ANK3: variants seen among roughly 807,000 people sequenced by gnomAD.
ANK3 encodes ankyrin 3, also known as ankyrin-3.
ANK3 carries 57 observed loss-of-function variants against 370.9 expected under a neutral mutation model. The observed-to-expected ratio is 0.15, with a 90% CI of 0.12 to 0.19. The LOEUF is 0.19. Ranked by LOEUF, ANK3 falls within the 10% of genes least tolerant of loss-of-function variation. The probability of loss-of-function intolerance (pLI) is 1.00; values close to 1 mark genes in which losing one functional copy is unlikely to be tolerated. For missense variants in ANK3, 4,439 were observed against 5,302.1 expected (o/e 0.84, Z 5.06); for synonymous variants, 1,929 against 1,946.3 (o/e 0.99, Z 0.23).
At chr10:60,196,484 A>T in intron 15 of ANK3, 43 bp downstream of exon 15, 1 of 1,321,542 alleles carries the variant, frequency 7.6e-7, no homozygotes, top group Non-Finnish European at 1.1e-6. Flanking sequence ...GTATTTTGTT[A>T]TCGTGGAAGT....
chr10:60,216,396 T>C (rs1425740153), intron 8 of ANK3, among the ~76,000 whole-genome samples: 1 of 152,204 alleles, frequency 6.6e-6, no homozygotes, highest in Admixed American at 6.5e-5. Context: ...ATATTAGTTG[T>C]GGGTTTGTCA....
At chr10:60,195,276 C>T (rs908057325) in intron 16 of ANK3, among the ~76,000 whole-genome samples, 21 of 150,794 alleles carry the variant, frequency 1.4e-4, no homozygotes, top group Admixed American at 2.7e-4. Flanking sequence ...CCCAGCTACT[C>T]GGGAGGCTGA....
intron 1 of ANK3, among the ~76,000 whole-genome samples, chr10:60,616,321 C>T (rs928529884): frequency 6.6e-6 from 1 of 152,126 alleles, no homozygotes; most frequent in Non-Finnish European, 1.5e-5. Context: ...AAGCAATGCA[C>T]ATTCATTACA....
At chr10:60,580,475 C>A (rs1236976896) in intron 2 of ANK3, among the ~76,000 whole-genome samples, 1 of 152,090 alleles carries the variant, frequency 6.6e-6, no homozygotes, top group Non-Finnish European at 1.5e-5. Flanking sequence ...CTAACCACCT[C>A]TATAAAAGAA....
At chr10:60,030,438 G>C (rs1013881492) in intron 43 of ANK3, among the ~76,000 whole-genome samples, 1 of 152,108 alleles carries the variant, frequency 6.6e-6, no homozygotes, top group Non-Finnish European at 1.5e-5. Flanking sequence ...CACCACGCCC[G>C]GCCCTCAACT....
chr10:60,163,229 T>C (rs775179381), intron 23 of ANK3, among the ~76,000 whole-genome samples: 1 of 152,130 alleles, frequency 6.6e-6, no homozygotes, highest in Non-Finnish European at 1.5e-5. Flanking sequence ...AGATACTAGT[T>C]TTGTACGTAT....
intron 27 of ANK3, among the ~76,000 whole-genome samples, chr10:60,106,786 A>G (rs1282586967): frequency 6.6e-6 from 1 of 152,178 alleles, no homozygotes; most frequent in Non-Finnish European, 1.5e-5. Context: ...AACATAGCCA[A>G]TCAAGCCACG....
At chr10:60,133,968 T>C (rs1286663350) in intron 25 of ANK3, among the ~76,000 whole-genome samples, 1 of 152,074 alleles carries the variant, frequency 6.6e-6, no homozygotes, top group Non-Finnish European at 1.5e-5. Flanking sequence ...CAGCTACCAA[T>C]GATTATTAAC....
At chr10:60,601,307 G>T (rs1340664001) in intron 2 of ANK3, among the ~76,000 whole-genome samples, 1 of 150,436 alleles carries the variant, frequency 6.6e-6, no homozygotes, top group East Asian at 1.9e-4. Flanking sequence ...GTAGAGTATG[G>T]AAAGAGAGAA....
rs16914808 is a variant in ANK3, at chr10:60,147,423, C to T, written c.2615-8336G>A. Among the ~76,000 whole-genome samples, 243 of 152,262 alleles carry T rather than the reference C, an allele frequency of 1.6e-3. 4 individuals carry two copies. In the East Asian group the frequency reaches 0.044, roughly 28 times the overall value. On this transcript the variant is annotated intron_variant, in intron 23 of 43. Coordinates refer to ENST00000280772, the MANE Select transcript of ANK3 (RefSeq NM_020987.5). Reference sequence around the variant, plus strand: ...GGGAGAGAGGGTCTTCACTTTAACCCTTTGTTTGCCATCATATGCTGGCCA... The same window carrying T: ...GGGAGAGAGGGTCTTCACTTTAACCTTTTGTTTGCCATCATATGCTGGCCA...
intron 23 of ANK3, among the ~76,000 whole-genome samples, chr10:60,144,695 T>C (rs1299900860): frequency 6.6e-6 from 1 of 152,062 alleles, no homozygotes; most frequent in African/African-American, 2.4e-5. Flanking sequence ...AGGAAAACAA[T>C]ACAAAATAGA....
chr10:60,177,178 C>T (rs775081634), intron 18 of ANK3, among the ~76,000 whole-genome samples: 3 of 152,200 alleles, frequency 2.0e-5, no homozygotes, highest in Non-Finnish European at 4.4e-5. Context: ...TACCTTTGGA[C>T]AGCCCTCCTT....
intron 2 of ANK3, among the ~76,000 whole-genome samples, chr10:60,406,909 C>T (rs1026551426): frequency 3.9e-5 from 6 of 152,142 alleles, no homozygotes; most frequent in East Asian, 1.9e-4. Context: ...ATCTTTCACC[C>T]GGGCAAATTA....
chr10:60,177,214 G>A (rs2095992233), intron 18 of ANK3, among the ~76,000 whole-genome samples: 1 of 152,126 alleles, frequency 6.6e-6, no homozygotes, highest in Admixed American at 6.5e-5. Flanking sequence ...CTGTAAAATG[G>A]AGTGGATCCC....
intron 2 of ANK3, chr10:60,572,602 A>T: frequency 6.6e-7 from 1 of 1,518,716 alleles, no homozygotes; most frequent in Non-Finnish European, 8.8e-7. Flanking sequence ...CACGGCAAAG[A>T]GTCAAAGCAT....
intron 33 of ANK3, 151 bp downstream of exon 33, chr10:60,083,341 T>C: frequency 1.3e-6 from 1 of 743,086 alleles, no homozygotes; most frequent in South Asian, 1.9e-5. Context: ...CTTGAAAGTA[T>C]ACTCTGGTAG....
chr10:60,295,679 T>C (rs762338190), intron 1 of ANK3, among the ~76,000 whole-genome samples: 2 of 152,152 alleles, frequency 1.3e-5, no homozygotes, highest in Admixed American at 6.5e-5. Flanking sequence ...CTAACTATTA[T>C]TGAGGAACCC....
In ANK3 at chr10:60,622,993, T is replaced by C. The variant is rs56654233; in HGVS notation, c.58-7769A>G. ...AATTTCCCCTAACCACCTCAGCCCA[T>C]ACAGAACTTAAGAGGGCTTATTACA... On this transcript the variant is annotated intron_variant, in intron 1 of 43. Transcript: ENST00000373827. 1.8e-4 allele frequency among the ~76,000 whole-genome samples: 27 copies of C among 152,348 alleles called. No homozygotes were observed. The East Asian group carries it at 5.2e-3, about 29-fold the overall frequency.
chr10:60,352,675 C>T (rs1280721561), intron 1 of ANK3, among the ~76,000 whole-genome samples: 1 of 152,198 alleles, frequency 6.6e-6, no homozygotes, highest in East Asian at 1.9e-4. Flanking sequence ...TCTTCCAACA[C>T]ATGTTTCTCC....
Sources: gnomAD v4.1 joint callset for allele counts (sites outside exome capture counted in the v4.1 genomes callset) on GRCh38, gnomAD v4.1.1 for gene constraint, MANE v1.5 for transcripts, NCBI Gene and HGNC (gene_info 2026-07-23, HGNC 2026-07-21) for gene names.